CDC42SE2: variants seen among roughly 807,000 people sequenced by gnomAD.
CDC42SE2 encodes CDC42 small effector 2.
A neutral mutation model predicts 11.5 loss-of-function variants in CDC42SE2; 3 were observed. The observed-to-expected ratio is 0.26, with a 90% CI of 0.12 to 0.67. CDC42SE2 has a LOEUF of 0.67. Ranked by LOEUF, CDC42SE2 falls within the 30% of genes least tolerant of loss-of-function variation. The pLI, the probability that CDC42SE2 is intolerant of heterozygous loss-of-function variation, is 0.80. For missense variants in CDC42SE2, 82 were observed against 106.8 expected (o/e 0.77, Z 1.02); for synonymous variants, 33 against 34.8 (o/e 0.95, Z 0.18).
intron 1 of CDC42SE2, among the ~76,000 whole-genome samples, chr5:131,298,446 G>A (rs1237535453): frequency 2.7e-5 from 4 of 150,930 alleles, no homozygotes; most frequent in Non-Finnish European, 4.4e-5. Flanking sequence ...TATGAATTTA[G>A]GTACCATAGA....
At chr5:131,355,885 A>G (rs552783111) in intron 2 of CDC42SE2, among the ~76,000 whole-genome samples, 7 of 152,302 alleles carry the variant, frequency 4.6e-5, no homozygotes, top group East Asian at 1.9e-4. Context: ...TGGTATCTGT[A>G]GCATTTGATT....
intron 2 of CDC42SE2, among the ~76,000 whole-genome samples, chr5:131,354,179 G>A (rs1466363990): frequency 1.3e-5 from 2 of 151,568 alleles, no homozygotes; most frequent in Admixed American, 6.6e-5. Flanking sequence ...CAGAGGTTGC[G>A]GTGAGCTGAG....
intron 2 of CDC42SE2, among the ~76,000 whole-genome samples, chr5:131,321,076 C>T (rs1276631092): frequency 6.6e-6 from 1 of 152,094 alleles, no homozygotes; most frequent in African/African-American, 2.4e-5. Context: ...TGGCACATTC[C>T]TTTAGGAGAT....
At chr5:131,313,989 G>A (rs936046557) in intron 1 of CDC42SE2, among the ~76,000 whole-genome samples, 4 of 152,030 alleles carry the variant, frequency 2.6e-5, no homozygotes, top group South Asian at 2.1e-4. Context: ...CACCATGCCC[G>A]ACTAAACTGT....
intron 3 of CDC42SE2, among the ~76,000 whole-genome samples, chr5:131,381,733 G>A (rs1750333450): frequency 6.6e-6 from 1 of 152,080 alleles, no homozygotes; most frequent in African/African-American, 2.4e-5. Flanking sequence ...AACTTATTTT[G>A]ACCTCTTCTA....
rs1267069010 is a variant in CDC42SE2, at chr5:131,391,283, T to TTA, written c.*193_*194dup. 1 of 239,680 alleles carries TTA rather than the reference T, an allele frequency of 4.2e-6. No individual in the cohort carries two copies. Among genetic ancestry groups the TTA allele is most frequent in the Admixed American group, 5.5e-5 (1 of 18,178 alleles). The allele number at this position is 239,680 out of a possible 1,614,324, so 14.8% of individuals were successfully genotyped here. A position where few individuals can be genotyped will look rare whatever the true frequency, so the allele number is the denominator to read the frequency against. On this transcript the variant is annotated 3_prime_UTR_variant, in exon 5 of 5. Coordinates refer to ENST00000505065, the MANE Select transcript of CDC42SE2 (RefSeq NM_001375635.1). ...TGTAAGTTTTAGGTTCTTTTCCTTA[T>TTA]TAAGAACTTTAAATACTTTAAAACA... is the stretch of plus-strand genomic sequence containing the variant.
At chr5:131,330,090 A>C (rs186701927) in intron 2 of CDC42SE2, among the ~76,000 whole-genome samples, 50 of 152,102 alleles carry the variant, frequency 3.3e-4, no homozygotes, top group Non-Finnish European at 3.8e-4. Flanking sequence ...GTATTCAGCT[A>C]ATAGGTGGGC....
intron 1 of CDC42SE2, among the ~76,000 whole-genome samples, chr5:131,305,514 G>A (rs1019447437): frequency 5.3e-5 from 8 of 152,242 alleles, no homozygotes; most frequent in African/African-American, 1.7e-4. Context: ...ATTGGCTGAA[G>A]CTTGGCTGCT....
At chr5:131,383,434 T>C (rs1030835353) in intron 3 of CDC42SE2, among the ~76,000 whole-genome samples, 1 of 152,176 alleles carries the variant, frequency 6.6e-6, no homozygotes, top group Admixed American at 6.5e-5. Context: ...GAAGTAAAAC[T>C]AAAGTTGTTC....
At chr5:131,316,796 A>G (rs1580750146) in intron 2 of CDC42SE2, among the ~76,000 whole-genome samples, 1 of 152,184 alleles carries the variant, frequency 6.6e-6, no homozygotes, top group Non-Finnish European at 1.5e-5. Flanking sequence ...TAGCCTCTCT[A>G]TCTGAATTTT....
At chr5:131,304,099 A>G (rs545828910) in intron 1 of CDC42SE2, among the ~76,000 whole-genome samples, 13 of 152,048 alleles carry the variant, frequency 8.5e-5, no homozygotes, top group African/African-American at 2.9e-4. Context: ...AGCTGGGACC[A>G]CAGGCATGCA....
chr5:131,364,732 G>A (rs994142527), intron 3 of CDC42SE2, among the ~76,000 whole-genome samples: 6 of 152,166 alleles, frequency 3.9e-5, no homozygotes, highest in African/African-American at 1.2e-4. Flanking sequence ...TCTGCAATAA[G>A]GTTGCTTATT....
intron 2 of CDC42SE2, among the ~76,000 whole-genome samples, chr5:131,337,764 G>T (rs1040773574): frequency 6.6e-6 from 1 of 152,254 alleles, no homozygotes; most frequent in Non-Finnish European, 1.5e-5. Flanking sequence ...AGGACCCTCT[G>T]AGCCATGTGT....
At position 131,393,883 on chromosome 5, in the gene CDC42SE2, T is replaced by A. The variant is rs1750762101; in HGVS notation, c.*2792T>A. 7.2e-6 allele frequency: 1 copy of A among 139,100 alleles called. No homozygotes were observed. Among genetic ancestry groups the A allele is most frequent in the African/African-American group, 2.8e-5 (1 of 35,780 alleles). The allele number at this position is 139,100 out of a possible 1,614,324, so 8.6% of individuals were successfully genotyped here. On this transcript the variant is annotated 3_prime_UTR_variant, in exon 5 of 5. Coordinates refer to ENST00000505065, the MANE Select transcript of CDC42SE2 (RefSeq NM_001375635.1). ...CAGCATGTGTTGGAGCAGATCTCCA[T>A]GGTAAGCCAAAAGTGGACTTGTCAG...
intron 4 of CDC42SE2, among the ~76,000 whole-genome samples, chr5:131,390,035 C>A (rs1175116183): frequency 6.6e-6 from 1 of 152,106 alleles, no homozygotes; most frequent in East Asian, 1.9e-4. Context: ...GAAAATATCC[C>A]AATTTTCATA....
chr5:131,303,218 A>G (rs1042148343), intron 1 of CDC42SE2, among the ~76,000 whole-genome samples: 2 of 152,202 alleles, frequency 1.3e-5, no homozygotes, highest in African/African-American at 4.8e-5. Context: ...TGGGCCTGTA[A>G]AGTGAGGAAA....
chr5:131,269,003 C>G (rs1196074704), intron 1 of CDC42SE2, among the ~76,000 whole-genome samples: 2 of 152,088 alleles, frequency 1.3e-5, no homozygotes, highest in African/African-American at 4.8e-5. Flanking sequence ...CCCACCTTGG[C>G]CTTCCAAAGT....
At chr5:131,312,232 G>T (rs548824220) in intron 1 of CDC42SE2, among the ~76,000 whole-genome samples, 2 of 151,836 alleles carry the variant, frequency 1.3e-5, no homozygotes, top group Admixed American at 6.6e-5. Context: ...CCCTGCTGGG[G>T]GGTGCCTCCC....
intron 2 of CDC42SE2, among the ~76,000 whole-genome samples, chr5:131,255,837 T>C (rs937556789): frequency 6.6e-6 from 1 of 152,226 alleles, no homozygotes; most frequent in Non-Finnish European, 1.5e-5. Context: ...TAGTCTACTA[T>C]GCTGCAGGCA....
Sources: allele counts gnomAD v4.1 joint callset (sites outside exome capture counted in the v4.1 genomes callset), GRCh38; gene constraint gnomAD v4.1.1; transcripts MANE v1.5; gene names NCBI Gene and HGNC (gene_info 2026-07-23, HGNC 2026-07-21).